Variants in AHRR observed in about 807,000 individuals in gnomAD.
The protein encoded by AHRR is ahR repressor.
In AHRR, 28 loss-of-function variants were observed where a neutral mutation model predicts 44.0. That is an observed-to-expected ratio of 0.64 (90% CI 0.47 to 0.87). The LOEUF is 0.87. AHRR is among the 40% of genes least tolerant of loss of function. The pLI is 0.00. For synonymous variants in AHRR, 434 were observed against 407.0 expected (o/e 1.07, Z -0.80); for missense variants, 990 against 953.9 (o/e 1.04, Z -0.50).
chr5:345,472 C>G (rs1742626996), intron 2 of AHRR, among the ~76,000 whole-genome samples: 1 of 106,054 alleles, frequency 9.4e-6, no homozygotes, highest in Non-Finnish European at 1.8e-5. Context: ...GATGATGTCC[C>G]TGGCTGTGTG....
intron 6 of AHRR, 119 bp from the exon 7 acceptor site, chr5:423,714 CGGGAGGAT>C: frequency 2.4e-6 from 3 of 1,266,730 alleles, no homozygotes; most frequent in Non-Finnish European, 3.2e-6. Flanking sequence ...ATGCTGGGGG[CGGGAGGAT>C]GGCACAGTGA....
At chr5:402,408 G>A (rs1052020545) in intron 4 of AHRR, among the ~76,000 whole-genome samples, 9 of 135,210 alleles carry the variant, frequency 6.7e-5, no homozygotes, top group East Asian at 4.2e-4. Context: ...GAAGGCAGTC[G>A]TTGTTGAGGG....
chr5:401,717 G>A (rs888350431), intron 4 of AHRR, among the ~76,000 whole-genome samples: 6 of 152,206 alleles, frequency 3.9e-5, no homozygotes, highest in Admixed American at 2.6e-4. Context: ...CAGCTTCTGA[G>A]TCACCGTTTC....
chr5:421,547 A>G (rs1736121229), intron 5 of AHRR, among the ~76,000 whole-genome samples: 1 of 152,062 alleles, frequency 6.6e-6, no homozygotes, highest in Non-Finnish European at 1.5e-5. Context: ...GGCCTAGGTT[A>G]CCCTCCAGTT....
chr5:348,029 G>T (rs1405676869), intron 2 of AHRR, among the ~76,000 whole-genome samples: 1 of 152,220 alleles, frequency 6.6e-6, no homozygotes, highest in Non-Finnish European at 1.5e-5. Context: ...GGTGGAGTTG[G>T]TCTAGAACCT....
chr5:382,213 G>C (rs970807717), intron 4 of AHRR, among the ~76,000 whole-genome samples: 15 of 152,238 alleles, frequency 9.9e-5, no homozygotes, highest in African/African-American at 3.1e-4. Flanking sequence ...CTTCTCTTCT[G>C]TTTTCTGGAA....
intron 5 of AHRR, among the ~76,000 whole-genome samples, chr5:415,349 C>T (rs1334695445): frequency 3.4e-4 from 47 of 139,854 alleles, no homozygotes; most frequent in Non-Finnish European, 6.3e-4. Context: ...GGGCGGGAGG[C>T]CTAGGGGCCG....
At chr5:343,742 A>AG in intron 1 of AHRR, 151 bp from the exon 2 acceptor site, 1 of 709,864 alleles carries the variant, frequency 1.4e-6, no homozygotes, top group Non-Finnish European at 2.2e-6. Flanking sequence ...GTCCCGGGCC[A>AG]GGGGGTCCCA....
intron 4 of AHRR, among the ~76,000 whole-genome samples, chr5:381,360 A>G (rs1346774051): frequency 1.3e-5 from 2 of 152,132 alleles, no homozygotes; most frequent in Non-Finnish European, 2.9e-5. Context: ...TTTTCAATCT[A>G]TGTGCCTCAT....
chr5:392,680 G>C (rs1206436664), intron 4 of AHRR, among the ~76,000 whole-genome samples: 1 of 152,206 alleles, frequency 6.6e-6, no homozygotes, highest in East Asian at 1.9e-4. Flanking sequence ...GATGTGGCGG[G>C]AAGGCTGGTT....
In AHRR at chr5:371,241, G is replaced by A. The variant is rs145783093; in HGVS notation, c.245-5369G>A. On this transcript the variant is annotated intron_variant, in intron 3 of 10. Coordinates refer to ENST00000684583, the MANE Select transcript of AHRR (RefSeq NM_001377236.1). The stretch of plus-strand genomic sequence containing the variant: ...AGACCACTGGCTTCACCGAGCCCAC[G>A]GATTCAAATGGGACCGCCATCTGGA... Among the ~76,000 whole-genome samples the A allele has an allele frequency of 3.6e-3, 547 of 152,302 alleles. 6 individuals carry two copies. Among genetic ancestry groups the A allele is most frequent in the East Asian group, 0.019 (97 of 5,180 alleles).
chr5:434,633 C>T lies in AHRR; in HGVS notation c.1893C>T (p.Pro631=). 6.4e-7 allele frequency: 1 copy of T among 1,562,450 alleles called. No individual in the cohort carries two copies. Among genetic ancestry groups the T allele is most frequent in the Non-Finnish European group, 8.7e-7 (1 of 1,153,476 alleles). ...PTDGLPQSEP[P]HQLCARGRGE... The stretch of plus-strand genomic sequence containing the variant: ...ACGGCCTTCCCCAGTCGGAGCCTCC[C>T]CACCAGCTCTGTGCACGGGGCCGAG... Residue 631 remains proline (P), a synonymous_variant, in exon 11 of 11, where the codon CCC becomes CCT. Transcript: ENST00000684583.
chr5:345,028 G>T (rs529136790), intron 2 of AHRR, among the ~76,000 whole-genome samples: 2 of 140,702 alleles, frequency 1.4e-5, no homozygotes, highest in African/African-American at 5.5e-5. Flanking sequence ...GTGTGCGAGG[G>T]GGACTATGTG....
At position 326,830 on chromosome 5, in the gene AHRR, A is replaced by G. The variant is rs1303793882; in HGVS notation, c.-11+5011A>G. Among the ~76,000 whole-genome samples, 1 of 152,174 alleles carries G rather than the reference A, an allele frequency of 6.6e-6. No individual in the cohort carries two copies. Among genetic ancestry groups the G allele is most frequent in the Non-Finnish European group, 1.5e-5 (1 of 68,028 alleles). On this transcript the variant is annotated intron_variant, in intron 1 of 10. Coordinates refer to ENST00000684583, the MANE Select transcript of AHRR (RefSeq NM_001377236.1). This position sits in a 1 kb window ranked among gnomAD's most constrained non-coding sequence, Gnocchi z 4.1. ...TCCCTGCACTTTGGGAGGCTGAGGC[A>G]GGCGGATCACTTGAGGTCGGGAGTT...
At chr5:414,180 G>A (rs560222005) in intron 5 of AHRR, among the ~76,000 whole-genome samples, 20 of 152,184 alleles carry the variant, frequency 1.3e-4, no homozygotes, top group Non-Finnish European at 2.1e-4. Context: ...GGAGAATAGC[G>A]TGAACCTGGG....
intron 3 of AHRR, among the ~76,000 whole-genome samples, chr5:360,705 A>G (rs1242037823): frequency 6.6e-6 from 1 of 152,168 alleles, no homozygotes; most frequent in Non-Finnish European, 1.5e-5. Context: ...AACGCGAGGA[A>G]AGTGATTCTT....
At chr5:422,665 G>A (rs979562379) in intron 5 of AHRR, 64 bp from the exon 6 acceptor site, 10 of 1,611,706 alleles carry the variant, frequency 6.2e-6, no homozygotes, top group Non-Finnish European at 7.6e-6. Flanking sequence ...GTTACTCGTC[G>A]GTGGAATAAA....
At chr5:365,836 A>T (rs2126417259) in intron 3 of AHRR, among the ~76,000 whole-genome samples, 1 of 152,376 alleles carries the variant, frequency 6.6e-6, no homozygotes, top group East Asian at 1.9e-4. Context: ...TGAATGTCGT[A>T]GGACCATTAA....
chr5:432,338 G>A (rs1195926719), intron 8 of AHRR, 125 bp from the exon 9 acceptor site: 1 of 857,866 alleles, frequency 1.2e-6, no homozygotes, highest in Non-Finnish European at 1.9e-6. Context: ...TATTGTTTCT[G>A]TCTTCACTGC....
Sources: gnomAD v4.1 joint callset for allele counts (sites outside exome capture counted in the v4.1 genomes callset) on GRCh38, gnomAD v4.1.1 for gene constraint, Gnocchi (gnomAD v3.1) non-coding constraint, MANE v1.5 for transcripts, NCBI Gene and HGNC (gene_info 2026-07-23, HGNC 2026-07-21) for gene names.